SNRNP70: variants seen among roughly 807,000 people sequenced by gnomAD.
SNRNP70 encodes the protein U1 small nuclear ribonucleoprotein 70 kDa.
SNRNP70 carries 8 observed loss-of-function variants against 50.5 expected under a neutral mutation model. The observed-to-expected ratio is 0.16, with a 90% CI of 0.09 to 0.29. The LOEUF is 0.29. Ranked by LOEUF, SNRNP70 falls within the 10% of genes least tolerant of loss-of-function variation. The pLI is 1.00. For synonymous variants in SNRNP70, 320 were observed against 252.9 expected, an observed-to-expected ratio of 1.27 and a Z score of -2.52; for missense variants, 529 against 663.5, an observed-to-expected ratio of 0.80 and a Z score of 2.23.
In SNRNP70 at chr19:49,107,695, C is replaced by T; in HGVS notation, c.648C>T (p.Thr216=). The T allele has an allele frequency of 6.2e-7, 1 of 1,614,074 alleles. No homozygotes were observed. The highest frequency in any genetic ancestry group is 2.2e-5 in the East Asian group (1 of 44,860). The change falls in exon 9 of 10, where the codon ACC becomes ACT. Residue 216 remains threonine (T), a synonymous_variant. Transcript: ENST00000598441. The surrounding 1 kb of genome is among the most constrained non-coding windows in gnomAD (Gnocchi z 6.0). ...TCCGGCATTCAGGCCGCGATGACACCTCCCGCTACGATGAGAGGTAAGATT... is the reference window on the plus strand; with the variant it reads ...TCCGGCATTCAGGCCGCGATGACACTTCCCGCTACGATGAGAGGTAAGATT... ...VNIRHSGRDD[T]SRYDERPGPS...
intron 6 of SNRNP70, among the ~76,000 whole-genome samples, chr19:49,099,949 T>C (rs895920828): frequency 9.4e-5 from 14 of 148,898 alleles, no homozygotes; most frequent in Non-Finnish European, 1.9e-4. Flanking sequence ...TGTGTATATA[T>C]GTGTACACAC....
At chr19:49,102,375 T>A in intron 7 of SNRNP70, 1 of 313,866 alleles carries the variant, frequency 3.2e-6, no homozygotes. Context: ...AGAATCTTGC[T>A]GATCCCAGGA....
At chr19:49,090,206 G>C (rs959588313) in intron 2 of SNRNP70, 85 bp from the exon 3 acceptor site, 10 of 1,205,630 alleles carry the variant, frequency 8.3e-6, no homozygotes, top group Non-Finnish European at 1.2e-5. Context: ...GGGGTGGGAG[G>C]GTTAACCTGT....
rs530220597 is a variant in SNRNP70 at position 49,104,916 on chromosome 19, C to T, written c.577+181C>T. Among the ~76,000 whole-genome samples, 64 of 152,316 alleles carry T rather than the reference C, an allele frequency of 4.2e-4. 1 individual carries two copies. Among genetic ancestry groups the T allele is most frequent in the African/African-American group, 1.5e-3 (62 of 41,566 alleles). ...TCTGACAGCTGCCTGCCTCCTCGTT[C>T]TGGGTTACTGTGAGGAGCAGGGGCA... On this transcript the variant is annotated intron_variant, in intron 8 of 9. Coordinates refer to ENST00000598441, the MANE Select transcript of SNRNP70 (RefSeq NM_003089.6). This position sits in a 1 kb window ranked among gnomAD's most constrained non-coding sequence, Gnocchi z 5.4.
rs2040646244 is a variant in SNRNP70 at position 49,104,926 on chromosome 19, G to C, written c.577+191G>C. Among the ~76,000 whole-genome samples, 1 of 152,204 alleles carries C rather than the reference G, an allele frequency of 6.6e-6. No homozygotes were observed. The highest frequency in any genetic ancestry group is 2.1e-4 in the South Asian group (1 of 4,832). On this transcript the variant is annotated intron_variant, in intron 8 of 9. Transcript: ENST00000598441. This position sits in a 1 kb window ranked among gnomAD's most constrained non-coding sequence, Gnocchi z 5.4. Reference sequence around the variant, plus strand: ...GCCTGCCTCCTCGTTCTGGGTTACTGTGAGGAGCAGGGGCACCAGCCTGGA... The same window carrying C: ...GCCTGCCTCCTCGTTCTGGGTTACTCTGAGGAGCAGGGGCACCAGCCTGGA...
In SNRNP70 at chr19:49,108,399, C is replaced by T; in HGVS notation, c.1270C>T (p.Leu424=). The part of the protein sequence containing the change: ...YMESEGGDGY[L]APENGYLMEA... The stretch of plus-strand genomic sequence containing the variant: ...GGAGTCTGAGGGCGGCGACGGCTAC[C>T]TGGCTCCGGAGAATGGGTATTTGAT... Residue 424 remains leucine (L), a synonymous_variant, in exon 10 of 10, where the codon CTG becomes TTG. Transcript: ENST00000598441. The T allele has an allele frequency of 1.2e-6, 2 of 1,611,108 alleles. No homozygotes were observed. Among genetic ancestry groups the T allele is most frequent in the Non-Finnish European group, 1.7e-6 (2 of 1,178,792 alleles).
In SNRNP70 at chr19:49,107,907, C is replaced by G; in HGVS notation, c.778C>G (p.Arg260Gly). ...GCGAGAACGGCGACGCTCCCGCTCC[C>G]GGGACCGGCGGAGGCGCTCACGGAG... ...KERERRRSRS[R>G]DRRRRSRSRD... The change falls in exon 10 of 10, where the codon CGG (arginine) becomes GGG (glycine). Residue 260 changes from arginine (R) to glycine (G), a missense_variant. Transcript: ENST00000598441. The surrounding 1 kb of genome is among the most constrained non-coding windows in gnomAD (Gnocchi z 6.0). The G allele has an allele frequency of 6.5e-7, 1 of 1,548,030 alleles. No individual in the cohort carries two copies. Among genetic ancestry groups the G allele is most frequent in the Non-Finnish European group, 8.7e-7 (1 of 1,146,662 alleles).
intron 4 of SNRNP70, among the ~76,000 whole-genome samples, chr19:49,093,627 C>T (rs1410511139): frequency 9.6e-5 from 11 of 114,490 alleles, no homozygotes; most frequent in Admixed American, 1.9e-4. Flanking sequence ...TGCAGTGAGC[C>T]GAGATCACGC....
Position 49,104,741 on chromosome 19 carries a change from C to T in SNRNP70, c.577+6C>T. The T allele has an allele frequency of 6.5e-7, 1 of 1,533,998 alleles. No homozygotes were observed. The highest frequency in any genetic ancestry group is 8.8e-7 in the Non-Finnish European group (1 of 1,137,354). ...CTGGAGGCCCCGGCGGCTAGGTGAG[C>T]ACATCCTGCCTTCGACGGGCTCTCG... On this transcript the variant is annotated splice_donor_region_variant and intron_variant, in intron 8 of 9. Coordinates refer to ENST00000598441, the MANE Select transcript of SNRNP70 (RefSeq NM_003089.6). The surrounding 1 kb of genome is among the most constrained non-coding windows in gnomAD (Gnocchi z 5.4).
At position 49,107,588 on chromosome 19, in the gene SNRNP70, G is replaced by A; in HGVS notation, c.578-37G>A. 6.2e-7 allele frequency: 1 copy of A among 1,600,336 alleles called. No homozygotes were observed. Among genetic ancestry groups the A allele is most frequent in the Non-Finnish European group, 8.6e-7 (1 of 1,167,618 alleles). ...TTCTGCTCCTCCGGGCCCTGTCCCT[G>A]CCCAGATTCACCCTCTGTCCGTCTG... On this transcript the variant is annotated intron_variant, in intron 8 of 9. Transcript: ENST00000598441. The surrounding 1 kb of genome is among the most constrained non-coding windows in gnomAD (Gnocchi z 6.0).
At chr19:49,101,791 G>T (rs2040591306) in intron 7 of SNRNP70, 1 of 406,008 alleles carries the variant, frequency 2.5e-6, no homozygotes, top group African/African-American at 2.1e-5. Context: ...GATTTTGGGG[G>T]AACCTCCCCC....
intron 1 of SNRNP70, among the ~76,000 whole-genome samples, 164 bp from the exon 2 acceptor site, chr19:49,086,241 C>T (rs775994983): frequency 6.6e-6 from 1 of 152,214 alleles, no homozygotes; most frequent in Non-Finnish European, 1.5e-5. Context: ...CCCACCAAGA[C>T]GTACCCTTTT....
chr19:49,101,216 C>T (rs1265968832), intron 6 of SNRNP70, among the ~76,000 whole-genome samples, 174 bp from the exon 7 acceptor site: 2 of 152,210 alleles, frequency 1.3e-5, no homozygotes, highest in African/African-American at 4.8e-5. Flanking sequence ...TCCAGGAAGC[C>T]GCCTCTGTGT....
intron 2 of SNRNP70, among the ~76,000 whole-genome samples, chr19:49,089,483 A>G (rs2040422037): frequency 6.6e-6 from 1 of 151,960 alleles, no homozygotes; most frequent in Non-Finnish European, 1.5e-5. Flanking sequence ...TCTCAGAAAA[A>G]AAAAAGACCT....
Position 49,086,547 on chromosome 19 carries a change from A to G in SNRNP70, c.133A>G (p.Ile45Val), listed in dbSNP as rs2040382371. The G allele has an allele frequency of 3.7e-6, 6 of 1,613,802 alleles. No individual in the cohort carries two copies. The highest frequency in any genetic ancestry group is 4.2e-6 in the Non-Finnish European group (5 of 1,179,942). ...NQPYCGIAPYIREFEDPRDAP... is the reference protein window; with the variant it reads ...NQPYCGIAPYVREFEDPRDAP... ...ACCTTATTGTGGCATTGCGCCGTACATTCGAGAGTTTGAGGTGAGTTCACT... is the reference window on the plus strand; with the variant it reads ...ACCTTATTGTGGCATTGCGCCGTACGTTCGAGAGTTTGAGGTGAGTTCACT... The change falls in exon 2 of 10, where the codon ATT becomes GTT. Residue 45 changes from isoleucine to valine, a missense_variant. Around this residue, in one of 4 missense-constraint regions of SNRNP70, gnomAD observed 149 missense variants for 259.7 expected, o/e 0.57. Coordinates refer to ENST00000598441, the MANE Select transcript of SNRNP70 (RefSeq NM_003089.6).
At chr19:49,103,490 T>C in intron 7 of SNRNP70, 1 of 152,586 alleles carries the variant, frequency 6.6e-6, no homozygotes, top group Non-Finnish European at 1.5e-5. Flanking sequence ...AGCGGTCCCG[T>C]GTCCCCCCCC....
rs1199799907 is a variant in SNRNP70 at position 49,108,205 on chromosome 19, G to A, written c.1076G>A (p.Arg359Gln). The change falls in exon 10 of 10, where the codon CGG becomes CAG. Residue 359 changes from arginine to glutamine, a missense_variant. Arg to Gln is a conservative substitution (Grantham distance 43). This residue lies in a region of SNRNP70 where 327 missense variants were observed against 308.8 expected (regional missense o/e 1.06). Transcript: ENST00000598441. ...DRDRERRRSHRSERERRRDRD... is the reference protein window; with the variant it reads ...DRDRERRRSHQSERERRRDRD... ...GACCGGGAGCGACGGCGGAGCCACC[G>A]GAGCGAGCGCGAGCGGCGCCGGGAC... 1.3e-6 allele frequency: 2 copies of A among 1,534,596 alleles called. No homozygotes were observed. Among genetic ancestry groups the A allele is most frequent in the East Asian group, 2.4e-5 (1 of 40,850 alleles).
rs752017331 is a variant in SNRNP70 at position 49,107,803 on chromosome 19, C to G, written c.674C>G (p.Pro225Arg). 3 of 1,603,660 alleles carry G rather than the reference C, an allele frequency of 1.9e-6. No homozygotes were observed. Among genetic ancestry groups the G allele is most frequent in the Non-Finnish European group, 2.6e-6 (3 of 1,175,684 alleles). Residue 225 changes from proline (P) to arginine (R), a missense_variant, in exon 10 of 10, where the codon CCC (proline) becomes CGC (arginine). Pro to Arg is a moderately radical substitution (Grantham distance 103). Coordinates refer to ENST00000598441, the MANE Select transcript of SNRNP70 (RefSeq NM_003089.6). This position sits in a 1 kb window ranked among gnomAD's most constrained non-coding sequence, Gnocchi z 6.0. ...DTSRYDERPG[P>R]SPLPHRDRDR... Reference sequence around the variant, plus strand: ...CTGCCCACCTCATCCAGGCCCGGCCCCTCCCCGCTTCCGCACAGGGACCGG... The same window carrying G: ...CTGCCCACCTCATCCAGGCCCGGCCGCTCCCCGCTTCCGCACAGGGACCGG...
intron 4 of SNRNP70, among the ~76,000 whole-genome samples, chr19:49,093,107 G>C (rs1369128498): frequency 6.6e-6 from 1 of 150,434 alleles, no homozygotes; most frequent in Middle Eastern, 3.2e-3. Flanking sequence ...TTTGTTTTTT[G>C]TTTTTTAGAT....
Sources: gnomAD v4.1 joint callset for allele counts (sites outside exome capture counted in the v4.1 genomes callset) on GRCh38, gnomAD v4.1.1 for gene constraint, gnomAD v4.1.1 regional missense constraint, Gnocchi (gnomAD v3.1) non-coding constraint, MANE v1.5 for transcripts, NCBI Gene and HGNC (gene_info 2026-07-23, HGNC 2026-07-21) for gene names.